The following TBC1D22A variants were observed in gnomAD, a reference collection of about 807,000 sequenced individuals.
The protein encoded by TBC1D22A is putative GTPase activator.
Under a neutral mutation model 60.2 loss-of-function variants are expected in TBC1D22A, and 38 were observed. The observed-to-expected ratio is 0.63, with a 90% CI of 0.49 to 0.83. The LOEUF is 0.83. Among genes scored for constraint, TBC1D22A ranks in the 40% least tolerant of loss-of-function variants. The pLI is 0.00. For synonymous variants in TBC1D22A, 302 were observed against 281.7 expected (o/e 1.07, Z -0.72); for missense variants, 628 against 701.0 (o/e 0.90, Z 1.18).
chr22:46,981,468 A>T (rs1249304369), intron 9 of TBC1D22A, among the ~76,000 whole-genome samples: 2 of 152,168 alleles, frequency 1.3e-5, no homozygotes, highest in African/African-American at 4.8e-5. Context: ...CTCACCTTGA[A>T]TTGTAATCTC....
intron 10 of TBC1D22A, among the ~76,000 whole-genome samples, chr22:47,018,324 A>G (rs2061970991): frequency 6.6e-6 from 1 of 152,260 alleles, no homozygotes; most frequent in Admixed American, 6.5e-5. Flanking sequence ...GCGCACATGC[A>G]AGCCCATCAC....
intron 10 of TBC1D22A, among the ~76,000 whole-genome samples, chr22:47,023,069 T>C (rs973161290): frequency 4.6e-5 from 7 of 152,212 alleles, no homozygotes; most frequent in African/African-American, 1.7e-4. Context: ...ATGGTACAGA[T>C]GTTAGACTCG....
At chr22:46,920,585 C>T (rs745784986) in intron 8 of TBC1D22A, among the ~76,000 whole-genome samples, 7 of 152,112 alleles carry the variant, frequency 4.6e-5, no homozygotes, top group Non-Finnish European at 1.0e-4. Context: ...CGCTGCTCCT[C>T]GAATCTGGGG....
intron 8 of TBC1D22A, among the ~76,000 whole-genome samples, chr22:46,916,567 CCATA>C (rs985457929): frequency 5.3e-5 from 8 of 152,224 alleles, no homozygotes; most frequent in Non-Finnish European, 1.2e-4. Flanking sequence ...ACATACATAA[CCATA>C]CAGAGACACA....
At chr22:46,815,843 A>G (rs953913082) in intron 4 of TBC1D22A, among the ~76,000 whole-genome samples, 4 of 151,688 alleles carry the variant, frequency 2.6e-5, no homozygotes, top group Admixed American at 6.6e-5. Context: ...TGGTGGGAGG[A>G]TGGAAGATGG....
chr22:46,918,359 T>G (rs1042691197), intron 8 of TBC1D22A, among the ~76,000 whole-genome samples: 6 of 152,172 alleles, frequency 3.9e-5, no homozygotes, highest in Admixed American at 3.9e-4. Flanking sequence ...CACACAGCGA[T>G]GTCCTCCATC....
At chr22:46,776,412 A>G (rs1208894939) in intron 1 of TBC1D22A, among the ~76,000 whole-genome samples, 4 of 151,534 alleles carry the variant, frequency 2.6e-5, no homozygotes, top group African/African-American at 9.7e-5. Context: ...GTGGGGTGGT[A>G]TGGATGGAAG....
chr22:46,766,541 C>CT (rs1272656772), intron 1 of TBC1D22A, among the ~76,000 whole-genome samples: 1 of 151,890 alleles, frequency 6.6e-6, no homozygotes, highest in South Asian at 2.1e-4. Context: ...TAGTTCAACT[C>CT]TTTTTTATTT....
intron 12 of TBC1D22A, among the ~76,000 whole-genome samples, chr22:47,115,557 G>A (rs200416282): frequency 6.6e-6 from 1 of 152,192 alleles, no homozygotes. Flanking sequence ...CGCGGTGCCC[G>A]CTTGGTGCCC....
chr22:47,025,400 G>A (rs1281826929), intron 10 of TBC1D22A, among the ~76,000 whole-genome samples: 4 of 152,100 alleles, frequency 2.6e-5, no homozygotes, highest in African/African-American at 4.8e-5. Flanking sequence ...AGTATTTTTT[G>A]TTTTCTCTTA....
intron 4 of TBC1D22A, among the ~76,000 whole-genome samples, chr22:46,862,429 T>A (rs545310710): frequency 6.6e-6 from 1 of 152,046 alleles, no homozygotes; most frequent in Admixed American, 6.5e-5. Flanking sequence ...TCTCTTGCCG[T>A]GAGCCTTCCT....
At chr22:46,888,051 T>C (rs12168730) in intron 5 of TBC1D22A, among the ~76,000 whole-genome samples, 8,844 of 152,222 alleles carry the variant, frequency 0.058, 796 homozygotes, top group African/African-American at 0.2. Context: ...AGTGGACCTG[T>C]AGCTTGTGAT....
rs796870080 is a variant in TBC1D22A, at chr22:46,904,149, A to G, written c.901-7925A>G. On this transcript the variant is annotated intron_variant, in intron 7 of 12. Coordinates refer to ENST00000337137, the MANE Select transcript of TBC1D22A (RefSeq NM_014346.5). ...TATCTATCTATCTATCTATCTACCT[A>G]CCTACCTACCTACCTACCTACCTAC... is the stretch of plus-strand genomic sequence containing the variant. 6.7e-4 allele frequency among the ~76,000 whole-genome samples: 53 copies of G among 78,900 alleles called. 1 individual carries two copies. Among genetic ancestry groups the G allele is most frequent in the South Asian group, 2.7e-3 (6 of 2,264 alleles). 51.8% of individuals were successfully genotyped at this position (78,900 alleles called of 152,430 possible).
intron 10 of TBC1D22A, among the ~76,000 whole-genome samples, chr22:47,015,590 C>T (rs1004027355): frequency 6.6e-6 from 1 of 152,222 alleles, no homozygotes; most frequent in African/African-American, 2.4e-5. Context: ...TGTCTTGCGA[C>T]CACACACATA....
chr22:47,156,978 G>A (rs5767545), intron 12 of TBC1D22A, among the ~76,000 whole-genome samples: 62,790 of 152,108 alleles, frequency 0.41, 14,184 homozygotes, highest in East Asian at 0.71. Context: ...AGTGTGGGTT[G>A]CACCTGGTAC....
intron 4 of TBC1D22A, among the ~76,000 whole-genome samples, chr22:46,837,379 A>G (rs1337535932): frequency 6.6e-6 from 1 of 152,236 alleles, no homozygotes; most frequent in Non-Finnish European, 1.5e-5. Context: ...CTTGAATAAC[A>G]ATATGGACCA....
chr22:46,962,427 A>C (rs140414452), intron 8 of TBC1D22A, among the ~76,000 whole-genome samples: 42 of 152,312 alleles, frequency 2.8e-4, no homozygotes, highest in African/African-American at 9.6e-4. Context: ...AACTTCCAAC[A>C]TGTCTTTCAC....
intron 12 of TBC1D22A, among the ~76,000 whole-genome samples, chr22:47,113,716 A>G (rs2065930399): frequency 6.6e-6 from 1 of 152,230 alleles, no homozygotes; most frequent in African/African-American, 2.4e-5. Context: ...GAGGCAGACC[A>G]GACACACACT....
chr22:46,925,008 C>A (rs1421576230), intron 8 of TBC1D22A, among the ~76,000 whole-genome samples: 2 of 152,160 alleles, frequency 1.3e-5, no homozygotes, highest in Admixed American at 1.3e-4. Context: ...TTGCTTATTT[C>A]CATTATCGGA....
Sources: gnomAD v4.1 joint callset for allele counts (sites outside exome capture counted in the v4.1 genomes callset) on GRCh38, gnomAD v4.1.1 for gene constraint, MANE v1.5 for transcripts, NCBI Gene and HGNC (gene_info 2026-07-23, HGNC 2026-07-21) for gene names.